The following DNAJC12 variants were observed in gnomAD, a reference collection of about 807,000 sequenced individuals.
The protein encoded by DNAJC12 is dnaJ homolog subfamily C member 12.
A neutral mutation model predicts 28.5 loss-of-function variants in DNAJC12; 25 were observed. The ratio of observed to expected loss-of-function variants is 0.88; its 90% CI spans 0.64 to 1.22. The LOEUF is 1.22. DNAJC12 is among the 50% of genes most tolerant of loss of function. The pLI, the probability that DNAJC12 is intolerant of heterozygous loss-of-function variation, is 0.00. For missense variants in DNAJC12, 222 were observed against 231.7 expected (o/e 0.96, Z 0.27); for synonymous variants, 77 against 80.6 (o/e 0.95, Z 0.24).
At position 67,823,884 on chromosome 10, in the gene DNAJC12, T is replaced by C. The variant is rs1842004676; in HGVS notation, c.79-492A>G. ...AACGCTCCTATTGAAATAGTCGTTGTGATGACAATTTAACTACTTAATTTA... is the reference window on the plus strand; with the variant it reads ...AACGCTCCTATTGAAATAGTCGTTGCGATGACAATTTAACTACTTAATTTA... On this transcript the variant is annotated intron_variant, in intron 1 of 4. Coordinates refer to ENST00000225171, the MANE Select transcript of DNAJC12 (RefSeq NM_021800.3). Among the ~76,000 whole-genome samples, 4 of 152,154 alleles carry C rather than the reference T, an allele frequency of 2.6e-5. No homozygotes were observed. The South Asian group carries it at 6.2e-4, about 24-fold the overall frequency.
chr10:67,815,937 T>G, intron 2 of DNAJC12: 1 of 396,370 alleles, frequency 2.5e-6, no homozygotes, highest in Non-Finnish European at 4.4e-6. Flanking sequence ...GACCTTTCTC[T>G]TGTTCCATCC....
At chr10:67,806,852 G>A (rs931706314) in intron 3 of DNAJC12, among the ~76,000 whole-genome samples, 7 of 151,342 alleles carry the variant, frequency 4.6e-5, no homozygotes, top group South Asian at 4.2e-4. Context: ...AAAAGAAATG[G>A]GAAGGAAAGG....
chr10:67,838,131 G>T lies in DNAJC12; in HGVS notation c.-120C>A. ...AGCATGTTCCACATAGCAAAAACTA[G>T]CTTTAAGACTGGCCACAGTCAATAC... On this transcript the variant is annotated 5_prime_UTR_variant, in exon 1 of 5. Coordinates refer to ENST00000225171, the MANE Select transcript of DNAJC12 (RefSeq NM_021800.3). The T allele has an allele frequency of 1.6e-6, 1 of 629,970 alleles. No homozygotes were observed. The highest frequency in any genetic ancestry group is 2.7e-6 in the Non-Finnish European group (1 of 368,088). The allele number at this position is 629,970 out of a possible 1,614,324, so 39.0% of individuals were successfully genotyped here.
At chr10:67,831,534 C>T (rs938855973) in intron 1 of DNAJC12, among the ~76,000 whole-genome samples, 2 of 152,286 alleles carry the variant, frequency 1.3e-5, no homozygotes, top group South Asian at 4.1e-4. Flanking sequence ...CATACAAATG[C>T]CCTGTCTCTC....
intron 3 of DNAJC12, among the ~76,000 whole-genome samples, chr10:67,806,015 T>C (rs1262806046): frequency 6.6e-6 from 1 of 152,212 alleles, no homozygotes; most frequent in Non-Finnish European, 1.5e-5. Flanking sequence ...TCATTTTCTG[T>C]TCTGTATATG....
chr10:67,815,288 C>G (rs1401571167), intron 2 of DNAJC12, among the ~76,000 whole-genome samples: 2 of 152,078 alleles, frequency 1.3e-5, no homozygotes, highest in Non-Finnish European at 2.9e-5. Flanking sequence ...GTGGGCGGAT[C>G]ACCTGAGGTC....
chr10:67,809,947 A>G (rs1841842618), intron 3 of DNAJC12, among the ~76,000 whole-genome samples: 1 of 152,160 alleles, frequency 6.6e-6, no homozygotes, highest in African/African-American at 2.4e-5. Context: ...ACCACCATAC[A>G]ATTCATCCAT....
At chr10:67,801,870 T>TTTTTTTTTTA (rs1841749668) in intron 4 of DNAJC12, among the ~76,000 whole-genome samples, 1 of 123,048 alleles carries the variant, frequency 8.1e-6, no homozygotes, top group Admixed American at 8.0e-5. Flanking sequence ...TTTTTTTTTT[T>TTTTTTTTTTA]TGACACGGAG....
At chr10:67,804,670 A>T (rs542619750) in intron 4 of DNAJC12, among the ~76,000 whole-genome samples, 11 of 152,332 alleles carry the variant, frequency 7.2e-5, no homozygotes, top group African/African-American at 2.6e-4. Context: ...CAGGAGGTAA[A>T]CTTCTATAAT....
Position 67,823,365 on chromosome 10 carries a change from CTTT to C in DNAJC12, c.103_105del (p.Lys35del), listed in dbSNP as rs747267115. 4 of 1,613,938 alleles carry C rather than the reference CTTT, an allele frequency of 2.5e-6. No individual in the cohort carries two copies. Among genetic ancestry groups the C allele is most frequent in the Non-Finnish European group, 3.4e-6 (4 of 1,179,996 alleles). On this transcript the variant is annotated inframe_deletion, in exon 2 of 5. Coordinates refer to ENST00000225171, the MANE Select transcript of DNAJC12 (RefSeq NM_021800.3). ...TCTGGGTGACATTCCAGAGCTCTGA[CTTT>C]AAATTCTGCCAGGATTTGTTCAACC...
chr10:67,797,795 C>G (rs2131784124), intron 4 of DNAJC12, among the ~76,000 whole-genome samples: 1 of 152,272 alleles, frequency 6.6e-6, no homozygotes, highest in Non-Finnish European at 1.5e-5. Context: ...AATCCCAGCA[C>G]TTTGGGAGGC....
chr10:67,809,766 T>C (rs1475790853), intron 3 of DNAJC12, among the ~76,000 whole-genome samples: 2 of 152,120 alleles, frequency 1.3e-5, no homozygotes, highest in Non-Finnish European at 2.9e-5. Context: ...ATGTTCTCCA[T>C]TATAAATGGG....
At chr10:67,813,990 A>G (rs1398759984) in intron 2 of DNAJC12, among the ~76,000 whole-genome samples, 2 of 151,524 alleles carry the variant, frequency 1.3e-5, no homozygotes, top group South Asian at 2.1e-4. Flanking sequence ...GAAATTGACA[A>G]TCTAGTCCTA....
At chr10:67,826,806 A>AT (rs1842039570) in intron 1 of DNAJC12, among the ~76,000 whole-genome samples, 2 of 130,228 alleles carry the variant, frequency 1.5e-5, no homozygotes, top group African/African-American at 5.8e-5. Flanking sequence ...TCAGATATAT[A>AT]ATGATATATA....
chr10:67,799,410 TACTC>T (rs1337358475), intron 4 of DNAJC12, among the ~76,000 whole-genome samples: 5 of 152,204 alleles, frequency 3.3e-5, no homozygotes, highest in Non-Finnish European at 7.3e-5. Context: ...AATTAAAACT[TACTC>T]ACAAAATATG....
chr10:67,806,107 G>T (rs1363837695), intron 3 of DNAJC12, among the ~76,000 whole-genome samples: 1 of 152,162 alleles, frequency 6.6e-6, no homozygotes, highest in Non-Finnish European at 1.5e-5. Context: ...TGAATACAGT[G>T]AAAAAGAGCG....
At chr10:67,820,777 C>CTTTTTTTTTTTTT (rs71006170) in intron 2 of DNAJC12, among the ~76,000 whole-genome samples, 3 of 68,520 alleles carry the variant, frequency 4.4e-5, no homozygotes, top group Non-Finnish European at 5.6e-5. Context: ...TTCTTTTTTC[C>CTTTTTTTTTTTTT]TTTTTTTTTT....
intron 4 of DNAJC12, among the ~76,000 whole-genome samples, chr10:67,800,099 T>C (rs1438827323): frequency 6.6e-6 from 1 of 150,810 alleles, no homozygotes; most frequent in East Asian, 2.0e-4. Flanking sequence ...GGTGCACACC[T>C]GCAGTCCCAG....
chr10:67,796,970 C>A lies in DNAJC12; in HGVS notation c.*146G>T. ...TCTTATTTAAAAAGCATTATGAGAA[C>A]TGATTCAAGGATGGAGGAATCAATT... is the stretch of plus-strand genomic sequence containing the variant. On this transcript the variant is annotated 3_prime_UTR_variant, in exon 5 of 5. Coordinates refer to ENST00000225171, the MANE Select transcript of DNAJC12 (RefSeq NM_021800.3). 1 of 526,064 alleles carries A rather than the reference C, an allele frequency of 1.9e-6. No individual in the cohort carries two copies. The highest frequency in any genetic ancestry group is 3.3e-6 in the Non-Finnish European group (1 of 300,988). The allele number at this position is 526,064 out of a possible 1,614,324, so 32.6% of individuals were successfully genotyped here. A position where few individuals can be genotyped will look rare whatever the true frequency, so the allele number is the denominator to read the frequency against.
Sources: allele counts gnomAD v4.1 joint callset (sites outside exome capture counted in the v4.1 genomes callset), GRCh38; gene constraint gnomAD v4.1.1; transcripts MANE v1.5; gene names NCBI Gene and HGNC (gene_info 2026-07-23, HGNC 2026-07-21).